The following GCSAM variants were observed in gnomAD, a reference collection of about 807,000 sequenced individuals.
GCSAM encodes the protein germinal center-associated signaling and motility protein.
GCSAM carries 8 observed loss-of-function variants against 17.6 expected under a neutral mutation model. The ratio of observed to expected loss-of-function variants is 0.46; its 90% confidence interval spans 0.27 to 0.82. GCSAM has a LOEUF of 0.82. Among genes scored for constraint, GCSAM ranks in the 40% least tolerant of loss-of-function variants. GCSAM has a pLI of 0.15. For synonymous variants in GCSAM, 68 were observed against 69.0 expected (o/e 0.98, Z 0.07); for missense variants, 192 against 213.5 (o/e 0.90, Z 0.63).
chr3:112,133,018 G>A (rs1282774941), intron 1 of GCSAM, 74 bp downstream of exon 1: 1 of 1,485,900 alleles, frequency 6.7e-7, no homozygotes, highest in Non-Finnish European at 9.3e-7. Flanking sequence ...CTGTATACTA[G>A]CTTTCTTTTT....
rs1026774731 is a variant in GCSAM at position 112,121,114 on chromosome 3, A to G, written c.*2341T>C. 1 of 152,312 alleles carries G rather than the reference A, an allele frequency of 6.6e-6. No homozygotes were observed. Among genetic ancestry groups the G allele is most frequent in the Non-Finnish European group, 1.5e-5 (1 of 68,024 alleles). 9.4% of individuals were successfully genotyped at this position (152,312 alleles called of 1,614,324 possible). A position where few individuals can be genotyped will look rare whatever the true frequency, so the allele number is the denominator to read the frequency against. On this transcript the variant is annotated 3_prime_UTR_variant, in exon 6 of 6. Transcript: ENST00000308910. ...TAAGAACAACTTTCTTTGGTTAAAC[A>G]TTTATATTTAATGTGTCCCTGATAA... is the stretch of plus-strand genomic sequence containing the variant.
chr3:112,120,897 T>C lies in GCSAM; in HGVS notation c.*2558A>G, dbSNP rs1576154604. 6.6e-6 allele frequency: 1 copy of C among 152,322 alleles called. No homozygotes were observed. Among genetic ancestry groups the C allele is most frequent in the East Asian group, 1.9e-4 (1 of 5,194 alleles). 9.4% of individuals were successfully genotyped at this position (152,322 alleles called of 1,614,324 possible). On this transcript the variant is annotated 3_prime_UTR_variant, in exon 6 of 6. Coordinates refer to ENST00000308910, the MANE Select transcript of GCSAM (RefSeq NM_152785.5). ...TTTGAGACATCCTACATATTAAGTA[T>C]ATTACACTCATATCAGAATTTTTTA...
chr3:112,130,392 C>T, intron 2 of GCSAM, 53 bp downstream of exon 2: 1 of 1,454,276 alleles, frequency 6.9e-7, no homozygotes, highest in Non-Finnish European at 9.7e-7. Flanking sequence ...GCTTGACATA[C>T]TTCGTTCTCC....
Position 112,128,146 on chromosome 3 carries a change from T to G in GCSAM, c.99-85A>C, listed in dbSNP as rs751602425. ...GACTCCTTTCCTTTTGCCATTTCTG[T>G]GGAAAACTTTTTTTCTCCCCGCAAG... On this transcript the variant is annotated intron_variant, in intron 2 of 5. Transcript: ENST00000308910. The G allele has an allele frequency of 3.9e-6, 5 of 1,296,016 alleles. No homozygotes were observed. In the Admixed American group the frequency reaches 5.1e-5, roughly 13 times the overall value. 80.3% of individuals were successfully genotyped at this position (1,296,016 alleles called of 1,614,324 possible).
At chr3:112,130,902 G>A in intron 1 of GCSAM, 1 of 217,566 alleles carries the variant, frequency 4.6e-6, no homozygotes, top group South Asian at 8.5e-5. Context: ...GAAAGGTACT[G>A]GCTTTGTCTT....
At chr3:112,129,291 C>T (rs2074398649) in intron 2 of GCSAM, 1 of 152,122 alleles carries the variant, frequency 6.6e-6, no homozygotes, top group Non-Finnish European at 1.5e-5. Context: ...ACTCCTGAGG[C>T]CACAGTTTTT....
chr3:112,127,866 G>T, intron 3 of GCSAM, 151 bp downstream of exon 3: 1 of 646,582 alleles, frequency 1.5e-6, no homozygotes, highest in Non-Finnish European at 2.8e-6. Flanking sequence ...CAAATTGGAA[G>T]GATTGCTTCC....
At chr3:112,132,656 A>T (rs1431328623) in intron 1 of GCSAM, 10 of 987,434 alleles carry the variant, frequency 1.0e-5, no homozygotes, top group Non-Finnish European at 1.1e-5. Flanking sequence ...GGGAGTGCAC[A>T]TCAAAGGAAG....
chr3:112,124,825 G>T (rs2074276121), intron 5 of GCSAM, among the ~76,000 whole-genome samples: 1 of 152,128 alleles, frequency 6.6e-6, no homozygotes, highest in Non-Finnish European at 1.5e-5. Context: ...TTTGAATCCT[G>T]GTTCCGCCCC....
chr3:112,126,135 C>A lies in GCSAM; in HGVS notation c.190+852G>T, dbSNP rs114763714. ...TCAGCATAGAGTTTTAGCATCTGGT[C>A]TTATTTCTATTACGTTTTGCTCTGA... is the stretch of plus-strand genomic sequence containing the variant. On this transcript the variant is annotated intron_variant, in intron 4 of 5. Transcript: ENST00000308910. Among the ~76,000 whole-genome samples the A allele has an allele frequency of 5.3e-3, 809 of 152,272 alleles. 11 individuals are homozygous for A. Among genetic ancestry groups the A allele is most frequent in the African/African-American group, 0.019 (772 of 41,560 alleles).
In GCSAM at chr3:112,127,037, TA is replaced by T; in HGVS notation, c.144-5del. The T allele has an allele frequency of 6.4e-7, 1 of 1,571,946 alleles. No homozygotes were observed. Among genetic ancestry groups the T allele is most frequent in the Non-Finnish European group, 8.7e-7 (1 of 1,145,294 alleles). Reference sequence around the variant, plus strand: ...TTCAAAAATGAGTATTTTTTTCCTGTAAAAGAAAAGCAAAGCAAATTGTTTT... The same window carrying T: ...TTCAAAAATGAGTATTTTTTTCCTGTAAAGAAAAGCAAAGCAAATTGTTTT... On this transcript the variant is annotated splice_region_variant and splice_polypyrimidine_tract_variant and intron_variant, in intron 3 of 5. Coordinates refer to ENST00000308910, the MANE Select transcript of GCSAM (RefSeq NM_152785.5).
In GCSAM at chr3:112,127,342, T is replaced by A. The variant is rs182478525; in HGVS notation, c.144-309A>T. Among the ~76,000 whole-genome samples the A allele has an allele frequency of 2.0e-5, 3 of 152,308 alleles. No homozygotes were observed. In the East Asian group the frequency reaches 5.8e-4, roughly 29 times the overall value. On this transcript the variant is annotated intron_variant, in intron 3 of 5. Coordinates refer to ENST00000308910, the MANE Select transcript of GCSAM (RefSeq NM_152785.5). Reference sequence around the variant, plus strand: ...TTTGGAGACTTTTTTTCTGACAAAGTATCAATTTCTTTTCTATCATGTGAG... The same window carrying A: ...TTTGGAGACTTTTTTTCTGACAAAGAATCAATTTCTTTTCTATCATGTGAG...
At chr3:112,129,122 C>T (rs966080585) in intron 2 of GCSAM, 1 of 152,160 alleles carries the variant, frequency 6.6e-6, no homozygotes, top group Non-Finnish European at 1.5e-5. Flanking sequence ...TTTAGGTTAC[C>T]TTCAATGTGC....
intron 2 of GCSAM, 169 bp downstream of exon 2, chr3:112,130,276 C>A: frequency 1.5e-6 from 1 of 652,810 alleles, no homozygotes. Context: ...ATCTCCTGTC[C>A]AAAGTTTTCA....
Position 112,123,696 on chromosome 3 carries a change from G to A in GCSAM, c.296C>T (p.Ser99Leu), listed in dbSNP as rs544367064. Residue 99 changes from serine (S) to leucine (L), a missense_variant, in exon 6 of 6, where the codon TCA (serine) becomes TTA (leucine). Transcript: ENST00000308910. ...INHRVLCTRP[S>L]GNSAEEYYEN... ...ATAGTACTCTTCAGCAGAGTTCCCT[G>A]ATGGCCTTGTACAGAGAACCCGATG... The A allele has an allele frequency of 5.9e-5, 95 of 1,614,014 alleles. No homozygotes were observed. The highest frequency in any genetic ancestry group is 7.8e-5 in the Non-Finnish European group (92 of 1,180,000).
At chr3:112,132,502 C>T (rs542308790) in intron 1 of GCSAM, 23 of 252,560 alleles carry the variant, frequency 9.1e-5, no homozygotes, top group Middle Eastern at 2.0e-3. Flanking sequence ...ATGTCAGGCA[C>T]TATGCTAGCA....
intron 2 of GCSAM, 41 bp downstream of exon 2, chr3:112,130,404 T>C (rs1306578453): frequency 1.3e-6 from 2 of 1,550,258 alleles, no homozygotes; most frequent in Non-Finnish European, 1.8e-6. Flanking sequence ...TCGTTCTCCT[T>C]GGGCAAGGTC....
At chr3:112,127,801 C>G (rs1003058510) in intron 3 of GCSAM, among the ~76,000 whole-genome samples, 6 of 152,166 alleles carry the variant, frequency 3.9e-5, no homozygotes, top group African/African-American at 1.4e-4. Flanking sequence ...GCTTCTGAGG[C>G]TTTCCTGTTT....
Position 112,127,004 on chromosome 3 carries a change from T to G in GCSAM, c.173A>C (p.Gln58Pro). The G allele has an allele frequency of 6.3e-7, 1 of 1,591,448 alleles. No individual in the cohort carries two copies. The highest frequency in any genetic ancestry group is 8.6e-7 in the Non-Finnish European group (1 of 1,163,094). Residue 58 changes from glutamine to proline, a missense_variant, in exon 4 of 6, where the codon CAA becomes CCA. Physicochemically the swap from Gln to Pro is moderately conservative, Grantham distance 76. Coordinates refer to ENST00000308910, the MANE Select transcript of GCSAM (RefSeq NM_152785.5). ...WKKILIFEKR[Q>P]DSQNENERMS... ...TGACTTACTTTCGTTTTGGGAATCT[T>G]GCCTCTTTTCAAAAATGAGTATTTT...
Sources: allele counts gnomAD v4.1 joint callset (sites outside exome capture counted in the v4.1 genomes callset), GRCh38; gene constraint gnomAD v4.1.1; transcripts MANE v1.5; gene names NCBI Gene and HGNC (gene_info 2026-07-23, HGNC 2026-07-21).